Variants in PSMA5 observed in about 807,000 individuals in gnomAD.
PSMA5 encodes the protein proteasome 20S subunit alpha 5.
In PSMA5, 3 loss-of-function variants were observed where a neutral mutation model predicts 34.5. The observed-to-expected ratio is 0.09, with a 90% CI of 0.04 to 0.22. The LOEUF is 0.22. Ranked by LOEUF, PSMA5 falls within the 10% of genes least tolerant of loss-of-function variation. PSMA5 has a pLI of 1.00. For synonymous variants in PSMA5, 88 were observed against 95.8 expected, an observed-to-expected ratio of 0.92 and a Z score of 0.47; for missense variants, 120 against 286.1, an observed-to-expected ratio of 0.42 and a Z score of 4.19.
In PSMA5 at chr1:109,415,334, T is replaced by C; in HGVS notation, c.126A>G (p.Thr42=). ...CCACAGCTAGGCACACACCCTCTGA[T>C]GTCTGGATCCCAATGGCTGTAGAAC... The part of the protein sequence containing the change: ...KLGSTAIGIQ[T]SEGVCLAVEK... The change falls in exon 3 of 9, where the codon ACA becomes ACG. Residue 42 remains threonine (T), a synonymous_variant. Transcript: ENST00000271308. 6.2e-7 allele frequency: 1 copy of C among 1,613,876 alleles called. No homozygotes were observed. The highest frequency in any genetic ancestry group is 1.1e-5 in the South Asian group (1 of 91,036).
intron 2 of PSMA5, among the ~76,000 whole-genome samples, chr1:109,417,978 C>T (rs1654281845): frequency 6.6e-6 from 1 of 152,056 alleles, no homozygotes; most frequent in African/African-American, 2.4e-5. Flanking sequence ...AATCACAACA[C>T]TTTGGGAGGC....
chr1:109,410,885 A>G, intron 7 of PSMA5, 126 bp downstream of exon 7: 2 of 688,168 alleles, frequency 2.9e-6, no homozygotes, highest in East Asian at 2.8e-5. Flanking sequence ...GGTGGTGATG[A>G]AAGTGTTATT....
intron 2 of PSMA5, among the ~76,000 whole-genome samples, chr1:109,417,570 C>A (rs189927866): frequency 2.6e-5 from 4 of 152,176 alleles, no homozygotes; most frequent in Non-Finnish European, 5.9e-5. Context: ...TAAAATAGAG[C>A]GTCTTTGGAT....
Position 109,401,306 on chromosome 1 carries a change from A to G in PSMA5, c.*707T>C, listed in dbSNP as rs989132270. The G allele has an allele frequency of 3.9e-5, 6 of 152,330 alleles. No individual in the cohort carries two copies. Among genetic ancestry groups the G allele is most frequent in the Admixed American group, 6.5e-5 (1 of 15,300 alleles). The allele number at this position is 152,330 out of a possible 1,614,324, so 9.4% of individuals were successfully genotyped here. A position where few individuals can be genotyped will look rare whatever the true frequency, so the allele number is the denominator to read the frequency against. Reference sequence around the variant, plus strand: ...GAAATCTCTTTCCAAATTGTCTATCAAGACCCAAGAACTGGTACAACACTG... The same window carrying G: ...GAAATCTCTTTCCAAATTGTCTATCGAGACCCAAGAACTGGTACAACACTG... On this transcript the variant is annotated 3_prime_UTR_variant, in exon 9 of 9. Coordinates refer to ENST00000271308, the MANE Select transcript of PSMA5 (RefSeq NM_002790.4).
intron 2 of PSMA5, among the ~76,000 whole-genome samples, chr1:109,417,864 G>A (rs1391260405): frequency 6.6e-6 from 1 of 152,030 alleles, no homozygotes; most frequent in Non-Finnish European, 1.5e-5. Context: ...CAAAATTTCA[G>A]GAAAAAAACC....
chr1:109,404,504 G>A (rs1653666834), intron 8 of PSMA5, among the ~76,000 whole-genome samples: 1 of 151,992 alleles, frequency 6.6e-6, no homozygotes, highest in Admixed American at 6.6e-5. Context: ...CAGAAACTGG[G>A]AAAACTCTGA....
At chr1:109,407,000 T>A (rs554719656) in intron 8 of PSMA5, among the ~76,000 whole-genome samples, 9 of 152,240 alleles carry the variant, frequency 5.9e-5, no homozygotes, top group African/African-American at 1.7e-4. Flanking sequence ...ATATATATAT[T>A]TTGAGACAGT....
intron 4 of PSMA5, 174 bp downstream of exon 4, chr1:109,412,894 G>C: frequency 1.7e-6 from 1 of 572,666 alleles, no homozygotes; most frequent in Non-Finnish European, 3.1e-6. Context: ...TGCAATGATT[G>C]GACAGCTAAA....
At chr1:109,402,406 A>T (rs920392399) in intron 8 of PSMA5, among the ~76,000 whole-genome samples, 7 of 152,230 alleles carry the variant, frequency 4.6e-5, no homozygotes, top group Admixed American at 4.6e-4. Flanking sequence ...ACATGGAGTC[A>T]GTACTTTTTT....
intron 8 of PSMA5, among the ~76,000 whole-genome samples, chr1:109,409,196 G>A (rs930650224): frequency 1.3e-5 from 2 of 152,028 alleles, no homozygotes; most frequent in East Asian, 1.9e-4. Flanking sequence ...TCGCTCTATC[G>A]CCCAGGTTGG....
In PSMA5 at chr1:109,422,431, A is replaced by G. The variant is rs555935127; in HGVS notation, c.30-505T>C. ...ACAGGTATTGACTCGTGGAGCAAGT[A>G]GGAAGAGTTTTCCCCCTAATTCAGA... is the stretch of plus-strand genomic sequence containing the variant. On this transcript the variant is annotated intron_variant, in intron 1 of 8. Coordinates refer to ENST00000271308, the MANE Select transcript of PSMA5 (RefSeq NM_002790.4). 5.9e-5 allele frequency among the ~76,000 whole-genome samples: 9 copies of G among 151,984 alleles called. No homozygotes were observed. In the South Asian group the frequency reaches 1.9e-3, roughly 32 times the overall value.
chr1:109,413,255 T>C (rs1166707419), intron 3 of PSMA5, 120 bp from the exon 4 acceptor site: 2 of 830,168 alleles, frequency 2.4e-6, no homozygotes, highest in East Asian at 5.0e-5. Context: ...TCCCATGGCA[T>C]TTTATACCCA....
intron 8 of PSMA5, among the ~76,000 whole-genome samples, chr1:109,402,897 G>A (rs1247895373): frequency 6.6e-6 from 1 of 152,116 alleles, no homozygotes; most frequent in Non-Finnish European, 1.5e-5. Context: ...TAGAGACGGC[G>A]ATTCTCCATG....
chr1:109,423,138 G>A (rs1571033222), intron 1 of PSMA5, among the ~76,000 whole-genome samples: 1 of 152,328 alleles, frequency 6.6e-6, no homozygotes, highest in East Asian at 1.9e-4. Flanking sequence ...CAGGTAACAT[G>A]TCATATAGTA....
At chr1:109,408,278 C>A (rs1410229860) in intron 8 of PSMA5, among the ~76,000 whole-genome samples, 1 of 152,180 alleles carries the variant, frequency 6.6e-6, no homozygotes, top group Non-Finnish European at 1.5e-5. Flanking sequence ...TCAAAGTTTC[C>A]TTTACCCACA....
At chr1:109,417,555 G>T (rs1654263343) in intron 2 of PSMA5, among the ~76,000 whole-genome samples, 1 of 152,200 alleles carries the variant, frequency 6.6e-6, no homozygotes, top group South Asian at 2.1e-4. Context: ...ATTCTCTGGA[G>T]ACCGTAAAAT....
At chr1:109,419,022 G>A (rs566739329) in intron 2 of PSMA5, among the ~76,000 whole-genome samples, 1 of 151,962 alleles carries the variant, frequency 6.6e-6, no homozygotes, top group Non-Finnish European at 1.5e-5. Context: ...GCGTGGTGGC[G>A]CATGCCTGTA....
intron 2 of PSMA5, among the ~76,000 whole-genome samples, chr1:109,417,617 T>C (rs997365257): frequency 1.3e-5 from 2 of 152,194 alleles, no homozygotes; most frequent in African/African-American, 4.8e-5. Context: ...AGGAATAATG[T>C]ACTGAAAACG....
chr1:109,407,616 A>G (rs1653831070), intron 8 of PSMA5, among the ~76,000 whole-genome samples: 1 of 152,190 alleles, frequency 6.6e-6, no homozygotes, highest in South Asian at 2.1e-4. Flanking sequence ...ATATATAATT[A>G]CAGCCTTGGT....
Sources: gnomAD v4.1 joint callset for allele counts (sites outside exome capture counted in the v4.1 genomes callset) on GRCh38, gnomAD v4.1.1 for gene constraint, MANE v1.5 for transcripts, NCBI Gene and HGNC (gene_info 2026-07-23, HGNC 2026-07-21) for gene names.